Variants in CPEB4 observed in about 807,000 individuals in gnomAD.
The protein encoded by CPEB4 is cytoplasmic polyadenylation element binding protein 4, also known as cytoplasmic polyadenylation element-binding protein 4.
Under a neutral mutation model 72.5 loss-of-function variants are expected in CPEB4, and 12 were observed. That is an observed-to-expected ratio of 0.17 (90% confidence interval 0.11 to 0.27). The LOEUF is 0.27. Ranked by LOEUF, CPEB4 falls within the 10% of genes least tolerant of loss-of-function variation. CPEB4 has a pLI of 1.00. For missense variants in CPEB4, 614 were observed against 908.5 expected (o/e 0.68, Z 4.17); for synonymous variants, 302 against 326.3 (o/e 0.93, Z 0.80).
chr5:173,920,996 A>T (rs1251497530), intron 2 of CPEB4, among the ~76,000 whole-genome samples: 1 of 152,222 alleles, frequency 6.6e-6, no homozygotes, highest in Non-Finnish European at 1.5e-5. Context: ...TTTGTGAACC[A>T]TGGGCCTCTT....
At chr5:173,932,422 CTT>C (rs1316665269) in intron 2 of CPEB4, 26 bp from the exon 3 acceptor site, 2 of 1,595,024 alleles carry the variant, frequency 1.3e-6, no homozygotes, top group African/African-American at 2.7e-5. Context: ...AAAAAGTAAA[CTT>C]AGTAACGGCC....
intron 2 of CPEB4, among the ~76,000 whole-genome samples, chr5:173,920,471 G>C (rs1757032246): frequency 1.3e-5 from 2 of 152,224 alleles, no homozygotes; most frequent in South Asian, 4.1e-4. Flanking sequence ...TGACTAAATA[G>C]AGGTATTTAA....
At chr5:173,899,460 G>C (rs887798921) in intron 1 of CPEB4, among the ~76,000 whole-genome samples, 8 of 152,132 alleles carry the variant, frequency 5.3e-5, no homozygotes, top group Non-Finnish European at 1.2e-4. Context: ...TGCTCAGTCT[G>C]TTTCACTGCT....
intron 1 of CPEB4, among the ~76,000 whole-genome samples, chr5:173,893,589 A>C (rs1028504411): frequency 3.9e-5 from 6 of 152,238 alleles, no homozygotes; most frequent in African/African-American, 1.4e-4. Context: ...AAAAGAATAA[A>C]AAGAATTCCT....
In CPEB4 at chr5:173,945,514, A is replaced by G. The variant is rs1052956657; in HGVS notation, c.1456+374A>G. ...CCCACATTTTATGAGTGCTCCACAA[A>G]TGTATAGTTCATTGTTTAAAATCTT... is the stretch of plus-strand genomic sequence containing the variant. On this transcript the variant is annotated intron_variant, in intron 5 of 9. Coordinates refer to ENST00000265085, the MANE Select transcript of CPEB4 (RefSeq NM_030627.4). Among the ~76,000 whole-genome samples, 3 of 152,214 alleles carry G rather than the reference A, an allele frequency of 2.0e-5. No homozygotes were observed. In the South Asian group the frequency reaches 6.2e-4, roughly 32 times the overall value.
chr5:173,934,317 T>A (rs1420585513), intron 3 of CPEB4, among the ~76,000 whole-genome samples: 1 of 152,228 alleles, frequency 6.6e-6, no homozygotes, highest in African/African-American at 2.4e-5. Flanking sequence ...CCCAAAATAT[T>A]TATGTTTTCA....
At chr5:173,923,761 C>T (rs1017042647) in intron 2 of CPEB4, among the ~76,000 whole-genome samples, 5 of 151,884 alleles carry the variant, frequency 3.3e-5, no homozygotes, top group African/African-American at 4.8e-5. Context: ...CTAGTTTTGC[C>T]GAGTTTTTTA....
intron 5 of CPEB4, among the ~76,000 whole-genome samples, chr5:173,949,151 A>G (rs1561632032): frequency 6.6e-6 from 1 of 152,220 alleles, no homozygotes; most frequent in Non-Finnish European, 1.5e-5. Context: ...TGTGAATCGC[A>G]TAGTAGTGTT....
At chr5:173,945,333 A>G (rs1223251713) in intron 5 of CPEB4, among the ~76,000 whole-genome samples, 193 bp downstream of exon 5, 2 of 152,214 alleles carry the variant, frequency 1.3e-5, no homozygotes, top group African/African-American at 4.8e-5. Flanking sequence ...TGTGCAAACC[A>G]ACTAAAGCAA....
chr5:173,897,062 G>C (rs948181939), intron 1 of CPEB4, among the ~76,000 whole-genome samples: 1 of 152,156 alleles, frequency 6.6e-6, no homozygotes, highest in Admixed American at 6.5e-5. Context: ...AATATAGCTT[G>C]TGTTACTGTG....
At chr5:173,924,054 TG>T in intron 2 of CPEB4, among the ~76,000 whole-genome samples, 1 of 152,290 alleles carries the variant, frequency 6.6e-6, no homozygotes, top group Admixed American at 6.5e-5. Context: ...TGCCCCGAGT[TG>T]TAGTCAAAGC....
At chr5:173,895,842 TATCTTCAGAGAAGCC>T (rs1204589967) in intron 1 of CPEB4, among the ~76,000 whole-genome samples, 28 of 152,326 alleles carry the variant, frequency 1.8e-4, no homozygotes, top group African/African-American at 2.6e-4. Context: ...TTTCTTTTTC[TATCTTCAGAGAAGCC>T]ATCTTCAGAG....
Position 173,955,852 on chromosome 5 carries a change from A to G in CPEB4, c.1963-58A>G. ...AGATAGTGGGTGGAAATGTACATGT[A>G]TGGTAAGCATTGCTGGCCTAGTCAC... On this transcript the variant is annotated intron_variant, in intron 9 of 9. Transcript: ENST00000265085. This position sits in a 1 kb window ranked among gnomAD's most constrained non-coding sequence, Gnocchi z 4.7. The G allele has an allele frequency of 7.4e-7, 1 of 1,350,840 alleles. No homozygotes were observed. Among genetic ancestry groups the G allele is most frequent in the Non-Finnish European group, 1.0e-6 (1 of 957,452 alleles). 83.7% of individuals were successfully genotyped at this position (1,350,840 alleles called of 1,614,324 possible).
chr5:173,940,518 C>T (rs1049204506), intron 3 of CPEB4, among the ~76,000 whole-genome samples: 1 of 152,154 alleles, frequency 6.6e-6, no homozygotes, highest in Non-Finnish European at 1.5e-5. Flanking sequence ...AGGAAAAGTG[C>T]TTAGTACATC....
intron 1 of CPEB4, among the ~76,000 whole-genome samples, chr5:173,901,285 A>G (rs1581112178): frequency 2.0e-5 from 3 of 152,216 alleles, no homozygotes; most frequent in East Asian, 3.8e-4. Context: ...ATCCAAGGTA[A>G]TACACTGAAG....
chr5:173,904,397 G>T (rs190913516), intron 1 of CPEB4, among the ~76,000 whole-genome samples: 1 of 152,162 alleles, frequency 6.6e-6, no homozygotes, highest in African/African-American at 2.4e-5. Flanking sequence ...ATGCATTTAT[G>T]ATGGGTCTCT....
chr5:173,949,657 C>T, intron 6 of CPEB4, 60 bp downstream of exon 6: 1 of 1,191,298 alleles, frequency 8.4e-7, no homozygotes, highest in South Asian at 1.3e-5. Context: ...AATGTGTAGC[C>T]TTTTCATAAA....
intron 2 of CPEB4, among the ~76,000 whole-genome samples, chr5:173,928,942 A>G (rs1186141652): frequency 6.6e-6 from 1 of 152,230 alleles, no homozygotes; most frequent in African/African-American, 2.4e-5. Flanking sequence ...GTTAAAATTT[A>G]AGTAGAAAGA....
rs35447628 is a variant in CPEB4 at position 173,958,905 on chromosome 5, G to C, written c.*2768G>C. ...AAGGAAAAAAAATAGCCTGCCTTGG[G>C]ACAGGTGTGTAATGTTAGTGTGCAT... On this transcript the variant is annotated 3_prime_UTR_variant, in exon 10 of 10. Coordinates refer to ENST00000265085, the MANE Select transcript of CPEB4 (RefSeq NM_030627.4). 16,455 of 152,738 alleles carry C rather than the reference G, an allele frequency of 0.11. 1,108 individuals carry two copies. Among genetic ancestry groups the C allele is most frequent in the Middle Eastern group, 0.21 (63 of 294 alleles). 9.5% of individuals were successfully genotyped at this position (152,738 alleles called of 1,614,324 possible). A position where few individuals can be genotyped will look rare whatever the true frequency, so the allele number is the denominator to read the frequency against.
Sources: gnomAD v4.1 joint callset for allele counts (sites outside exome capture counted in the v4.1 genomes callset) on GRCh38, gnomAD v4.1.1 for gene constraint, Gnocchi (gnomAD v3.1) non-coding constraint, MANE v1.5 for transcripts, NCBI Gene and HGNC (gene_info 2026-07-23, HGNC 2026-07-21) for gene names.